GPHN: variants seen among roughly 807,000 people sequenced by gnomAD.
GPHN encodes the protein gephyrin.
GPHN carries 17 observed loss-of-function variants against 95.5 expected under a neutral mutation model. That is an observed-to-expected ratio of 0.18 (90% CI 0.12 to 0.27). The LOEUF is 0.27. Ranked by LOEUF, GPHN falls within the 10% of genes least tolerant of loss-of-function variation. GPHN has a pLI of 1.00. For synonymous variants in GPHN, 320 were observed against 322.5 expected (o/e 0.99, Z 0.08); for missense variants, 660 against 978.1 (o/e 0.67, Z 4.34).
At chr14:66,568,993 A>G (rs1595010660) in intron 1 of GPHN, among the ~76,000 whole-genome samples, 1 of 152,196 alleles carries the variant, frequency 6.6e-6, no homozygotes, top group East Asian at 1.9e-4. Flanking sequence ...AGGAATCTTG[A>G]GTAAAATGTA....
intron 1 of GPHN, among the ~76,000 whole-genome samples, chr14:66,644,841 G>A (rs2064640893): frequency 6.6e-6 from 1 of 152,020 alleles, no homozygotes; most frequent in Non-Finnish European, 1.5e-5. Flanking sequence ...GTTTTTCAAA[G>A]TTTTGAATAA....
At chr14:66,929,029 G>T (rs2066636451) in intron 8 of GPHN, among the ~76,000 whole-genome samples, 1 of 147,856 alleles carries the variant, frequency 6.8e-6, no homozygotes, top group Non-Finnish European at 1.5e-5. Flanking sequence ...TATTTGATCT[G>T]TAATAGAGAT....
the GPHN span, among the ~76,000 whole-genome samples, chr14:67,309,342 C>A: frequency 6.6e-6 from 1 of 152,052 alleles, no homozygotes; most frequent in Non-Finnish European, 1.5e-5. Context: ...TAAGGCAATA[C>A]CCAGACTTTA....
At chr14:67,334,000 T>C in the GPHN span, 1 of 152,584 alleles carries the variant, frequency 6.6e-6, no homozygotes, top group Non-Finnish European at 1.5e-5. Context: ...ATTTAATAGA[T>C]CAACAAATGG....
At chr14:66,954,941 C>G (rs1207928869) in intron 8 of GPHN, among the ~76,000 whole-genome samples, 1 of 152,142 alleles carries the variant, frequency 6.6e-6, no homozygotes, top group African/African-American at 2.4e-5. Flanking sequence ...TGGTGAGCCA[C>G]TCTTACATTT....
chr14:67,692,272 T>A, the GPHN span: 1 of 692,878 alleles, frequency 1.4e-6, no homozygotes, highest in Non-Finnish European at 2.4e-6. Flanking sequence ...CTGGAAGATA[T>A]CCCTTTGACA....
At chr14:67,315,317 C>G in the GPHN span, among the ~76,000 whole-genome samples, 1 of 133,040 alleles carries the variant, frequency 7.5e-6, no homozygotes, top group Non-Finnish European at 1.6e-5. Flanking sequence ...CGCTCTGTCT[C>G]CCAGGCTGGA....
chr14:67,645,827 A>G, the GPHN span: 1 of 1,611,860 alleles, frequency 6.2e-7, no homozygotes, highest in South Asian at 1.1e-5. Context: ...ACGAAAAGAA[A>G]GGTGAATGGC....
the GPHN span, among the ~76,000 whole-genome samples, chr14:67,286,717 G>T: frequency 1.3e-5 from 2 of 151,730 alleles, no homozygotes; most frequent in African/African-American, 4.8e-5. Context: ...AAATAGCCAG[G>T]TGTGGTGGAA....
chr14:67,685,090 G>A, the GPHN span: 1 of 1,614,126 alleles, frequency 6.2e-7, no homozygotes, highest in East Asian at 2.2e-5. Flanking sequence ...TCCCTGCTGA[G>A]GAGTCTTGAT....
At chr14:67,612,104 A>C in the GPHN span, among the ~76,000 whole-genome samples, 1 of 152,246 alleles carries the variant, frequency 6.6e-6, no homozygotes, top group African/African-American at 2.4e-5. Context: ...TAGTAATGCC[A>C]GCAATGGGGA....
intron 9 of GPHN, among the ~76,000 whole-genome samples, chr14:66,979,917 G>A (rs2070534899): frequency 6.6e-6 from 1 of 151,920 alleles, no homozygotes; most frequent in South Asian, 2.1e-4. Context: ...TATGTCTCAG[G>A]GAATAGAGAG....
At chr14:66,552,474 A>G (rs1283327904) in intron 1 of GPHN, among the ~76,000 whole-genome samples, 1 of 152,170 alleles carries the variant, frequency 6.6e-6, no homozygotes, top group Non-Finnish European at 1.5e-5. Flanking sequence ...TGAGAAAGGA[A>G]ACAGTTTTTG....
At chr14:67,674,266 G>A in the GPHN span, 2 of 1,040,666 alleles carry the variant, frequency 1.9e-6, no homozygotes, top group Non-Finnish European at 2.7e-6. Flanking sequence ...CGTGTCTGAG[G>A]ACGCGGAGGG....
At chr14:67,104,654 T>C (rs1357195460) in intron 13 of GPHN, among the ~76,000 whole-genome samples, 1 of 152,196 alleles carries the variant, frequency 6.6e-6, no homozygotes, top group African/African-American at 2.4e-5. Flanking sequence ...TAGTTCTTCA[T>C]AGTAGTCTCT....
At chr14:67,663,232 A>T in the GPHN span, 14 of 1,333,416 alleles carry the variant, frequency 1.0e-5, no homozygotes, top group Non-Finnish European at 1.3e-5. Flanking sequence ...CAAAACAAAC[A>T]TCTAACTAAA....
Position 66,948,154 on chromosome 14 carries a change from C to T in GPHN, c.829-17037C>T, listed in dbSNP as rs532355036. Among the ~76,000 whole-genome samples, 19 of 152,098 alleles carry T rather than the reference C, an allele frequency of 1.2e-4. No homozygotes were observed. The East Asian group carries it at 3.7e-3, about 29-fold the overall frequency. On this transcript the variant is annotated intron_variant, in intron 8 of 22. Transcript: ENST00000478722. ...GCATGCAGATTTCAGCAAGAGTATA[C>T]CTTTTTGTTTTCCTAAAAGGCAATT... is the stretch of plus-strand genomic sequence containing the variant.
At chr14:66,868,399 T>C (rs1041188511) in intron 4 of GPHN, among the ~76,000 whole-genome samples, 1 of 152,148 alleles carries the variant, frequency 6.6e-6, no homozygotes, top group Non-Finnish European at 1.5e-5. Flanking sequence ...ATATGTTCTT[T>C]ACGGGTTTTT....
intron 1 of GPHN, among the ~76,000 whole-genome samples, chr14:66,599,629 G>T (rs1337661312): frequency 6.6e-6 from 1 of 151,320 alleles, no homozygotes; most frequent in Non-Finnish European, 1.5e-5. Flanking sequence ...AAATTATATT[G>T]CTTGCAAATA....
Sources: gnomAD v4.1 joint callset for allele counts (sites outside exome capture counted in the v4.1 genomes callset) on GRCh38, gnomAD v4.1.1 for gene constraint, MANE v1.5 for transcripts, NCBI Gene and HGNC (gene_info 2026-07-23, HGNC 2026-07-21) for gene names.